The following WDR72 variants were observed in gnomAD, a reference collection of about 807,000 sequenced individuals.
WDR72 encodes WD repeat domain 72, also known as WD repeat-containing protein 72.
In WDR72, 120 loss-of-function variants were observed where a neutral mutation model predicts 124.2. The ratio of observed to expected loss-of-function variants is 0.97; its 90% CI spans 0.83 to 1.12. The LOEUF (loss-of-function observed/expected upper bound fraction) is 1.12. WDR72 is among the 50% of genes most tolerant of loss of function. WDR72 has a pLI of 0.00. For synonymous variants in WDR72, 452 were observed against 441.7 expected, an observed-to-expected ratio of 1.02 and a Z score of -0.29; for missense variants, 1,387 against 1,278.8, an observed-to-expected ratio of 1.08 and a Z score of -1.29.
chr15:53,518,675 C>T (rs1044755265), intron 19 of WDR72, among the ~76,000 whole-genome samples: 1 of 151,652 alleles, frequency 6.6e-6, no homozygotes, highest in African/African-American at 2.4e-5. Context: ...CATGCATCAT[C>T]ATCAGCCATC....
chr15:53,540,009 A>G (rs1892985826), intron 18 of WDR72, among the ~76,000 whole-genome samples: 1 of 152,220 alleles, frequency 6.6e-6, no homozygotes, highest in Admixed American at 6.5e-5. Flanking sequence ...TGGAATGCAA[A>G]CCAAAGAGCA....
intron 11 of WDR72, 151 bp downstream of exon 11, chr15:53,704,837 T>C (rs553489445): frequency 9.8e-6 from 7 of 714,884 alleles, no homozygotes; most frequent in African/African-American, 1.9e-5. Context: ...AAAAAACCTA[T>C]ATGTATGTTT....
chr15:53,708,354 T>G (rs2017443205), intron 9 of WDR72, among the ~76,000 whole-genome samples: 1 of 152,180 alleles, frequency 6.6e-6, no homozygotes, highest in Non-Finnish European at 1.5e-5. Flanking sequence ...TCATTTTCCC[T>G]AACTGTGAAA....
intron 18 of WDR72, among the ~76,000 whole-genome samples, chr15:53,590,325 CA>C (rs1162742164): frequency 6.6e-6 from 1 of 151,892 alleles, no homozygotes; most frequent in Non-Finnish European, 1.5e-5. Context: ...AATTTTTAAG[CA>C]ATAAAACTTA....
intron 14 of WDR72, among the ~76,000 whole-genome samples, chr15:53,657,002 T>A (rs514876): frequency 2.6e-4 from 39 of 151,936 alleles, no homozygotes; most frequent in African/African-American, 6.5e-4. Context: ...TGGTGGCTCA[T>A]GCCTGTAATC....
chr15:53,523,413 C>T lies in WDR72; in HGVS notation c.3149-91G>A, dbSNP rs561618265. The T allele has an allele frequency of 2.3e-5, 28 of 1,222,742 alleles. No homozygotes were observed. The Middle Eastern group carries it at 6.8e-4, about 30-fold the overall frequency. The allele number at this position is 1,222,742 out of a possible 1,614,324, so 75.7% of individuals were successfully genotyped here. On this transcript the variant is annotated intron_variant, in intron 18 of 19. Coordinates refer to ENST00000360509, the MANE Select transcript of WDR72 (RefSeq NM_182758.4). Reference sequence around the variant, plus strand: ...CCATTAAAACATTTCCTTTCAGTTCCACAGATATTTCCAGGGACACACTAT... The same window carrying T: ...CCATTAAAACATTTCCTTTCAGTTCTACAGATATTTCCAGGGACACACTAT...
intron 18 of WDR72, among the ~76,000 whole-genome samples, chr15:53,562,666 T>C (rs1894164396): frequency 6.6e-6 from 1 of 151,782 alleles, no homozygotes; most frequent in Admixed American, 6.6e-5. Context: ...GATGATGATA[T>C]ATAAATGATG....
chr15:53,673,947 C>T (rs1030732894), intron 13 of WDR72, among the ~76,000 whole-genome samples: 12 of 151,866 alleles, frequency 7.9e-5, no homozygotes, highest in African/African-American at 2.7e-4. Context: ...CCTGAGATCG[C>T]GCCATTGCAC....
chr15:53,570,167 A>G (rs181332929), intron 18 of WDR72, among the ~76,000 whole-genome samples: 1 of 152,142 alleles, frequency 6.6e-6, no homozygotes, highest in African/African-American at 2.4e-5. Context: ...TAAAAATTCT[A>G]TATATTTATT....
intron 18 of WDR72, among the ~76,000 whole-genome samples, chr15:53,533,134 C>G (rs1892571442): frequency 6.6e-6 from 1 of 151,988 alleles, no homozygotes; most frequent in South Asian, 2.1e-4. Flanking sequence ...ACACTTGGAA[C>G]ACTGTGTGTG....
At chr15:53,748,244 C>T (rs766303701) in intron 1 of WDR72, among the ~76,000 whole-genome samples, 1 of 152,088 alleles carries the variant, frequency 6.6e-6, no homozygotes, top group Non-Finnish European at 1.5e-5. Flanking sequence ...ATTCTGCAAA[C>T]CTATTTCTGG....
rs564778974 is a variant in WDR72, at chr15:53,581,079, AAAC to A, written c.3148+15997_3148+15999del. On this transcript the variant is annotated intron_variant, in intron 18 of 19. Coordinates refer to ENST00000360509, the MANE Select transcript of WDR72 (RefSeq NM_182758.4). ...AACACATTGACTGACTTATGCTCTCAAACAACAGTTTTTGTGCAGATTCAAGAT... is the reference window on the plus strand; with the variant it reads ...AACACATTGACTGACTTATGCTCTCAAACAGTTTTTGTGCAGATTCAAGAT... 9.2e-5 allele frequency among the ~76,000 whole-genome samples: 14 copies of A among 152,194 alleles called. No homozygotes were observed. The East Asian group carries it at 2.3e-3, about 25-fold the overall frequency.
intron 18 of WDR72, among the ~76,000 whole-genome samples, chr15:53,589,868 T>TTG (rs1488122458): frequency 6.6e-6 from 1 of 152,006 alleles, no homozygotes; most frequent in Admixed American, 6.6e-5. Context: ...AGTGAACTCT[T>TTG]ATCAGTCTTT....
intron 1 of WDR72, among the ~76,000 whole-genome samples, chr15:53,733,477 C>T (rs2018263588): frequency 6.6e-6 from 1 of 152,114 alleles, no homozygotes; most frequent in African/African-American, 2.4e-5. Flanking sequence ...CTGCAAAGTC[C>T]TGCTGGGCCT....
At chr15:53,758,183 TA>T (rs1781362745) in intron 1 of WDR72, among the ~76,000 whole-genome samples, 1 of 152,150 alleles carries the variant, frequency 6.6e-6, no homozygotes, top group Non-Finnish European at 1.5e-5. Flanking sequence ...CTGATTTTTG[TA>T]GAGATGAAGT....
chr15:53,535,535 G>C (rs1358915929), intron 18 of WDR72, among the ~76,000 whole-genome samples: 1 of 152,156 alleles, frequency 6.6e-6, no homozygotes, highest in Non-Finnish European at 1.5e-5. Flanking sequence ...TTAGATAGGA[G>C]GGTCAAACCT....
intron 16 of WDR72, among the ~76,000 whole-genome samples, chr15:53,610,593 T>G: frequency 6.6e-6 from 1 of 151,876 alleles, no homozygotes; most frequent in Non-Finnish European, 1.5e-5. Context: ...TATATGAATA[T>G]ATATTTACCA....
Position 53,705,167 on chromosome 15 carries a change from C to T in WDR72, c.1169G>A (p.Ser390Asn). Residue 390 changes from serine (S) to asparagine (N), a missense_variant, in exon 11 of 20, where the codon AGT becomes AAT. Transcript: ENST00000360509. The part of the protein sequence containing the change: ...NFDKHDTMSQ[S>N]IIDYFSGLKD... ...AAGCCCAGAGAAATAGTCAATAATA[C>T]TTTGTGACATAGTATCATGCTTATC... 1 of 1,614,042 alleles carries T rather than the reference C, an allele frequency of 6.2e-7. No individual in the cohort carries two copies. Among genetic ancestry groups the T allele is most frequent in the East Asian group, 2.2e-5 (1 of 44,850 alleles).
chr15:53,640,448 G>C (rs2014804463), intron 14 of WDR72, among the ~76,000 whole-genome samples: 1 of 152,052 alleles, frequency 6.6e-6, no homozygotes, highest in Non-Finnish European at 1.5e-5. Flanking sequence ...ATTTGGAAAA[G>C]GACATAAGTT....
Sources: allele counts gnomAD v4.1 joint callset (sites outside exome capture counted in the v4.1 genomes callset), GRCh38; gene constraint gnomAD v4.1.1; transcripts MANE v1.5; gene names NCBI Gene and HGNC (gene_info 2026-07-23, HGNC 2026-07-21).